The following DNAH14 variants were observed in gnomAD, a reference collection of about 807,000 sequenced individuals.
DNAH14 encodes axonemal beta dynein heavy chain 14.
In DNAH14, 478 loss-of-function variants were observed where a neutral mutation model predicts 520.9. The observed-to-expected ratio is 0.92, with a 90% CI of 0.85 to 0.99. The LOEUF (loss-of-function observed/expected upper bound fraction) is 0.99. DNAH14 is among the 50% of genes least tolerant of loss of function. The pLI is 0.00. For missense variants in DNAH14, 4,831 were observed against 5,234.5 expected (o/e 0.92, Z 2.38); for synonymous variants, 1,581 against 1,757.2 (o/e 0.90, Z 2.51).
chr1:225,242,204 A>G (rs1463472415), intron 43 of DNAH14, among the ~76,000 whole-genome samples: 1 of 152,172 alleles, frequency 6.6e-6, no homozygotes, highest in East Asian at 1.9e-4. Context: ...CCTGTACTCC[A>G]GCCTGGGAAA....
chr1:225,131,472 A>C (rs2148957522), intron 27 of DNAH14, among the ~76,000 whole-genome samples: 1 of 152,272 alleles, frequency 6.6e-6, no homozygotes, highest in East Asian at 1.9e-4. Context: ...ACTATTCTTC[A>C]GTAGTCCTAG....
chr1:225,265,699 C>G (rs533178366), intron 48 of DNAH14, among the ~76,000 whole-genome samples: 1 of 152,170 alleles, frequency 6.6e-6, no homozygotes, highest in Non-Finnish European at 1.5e-5. Context: ...GCTTGGGACT[C>G]TAAGAGTTTC....
At position 225,395,946 on chromosome 1, in the gene DNAH14, GGA is replaced by G. The variant is rs568862402; in HGVS notation, c.13492-2570_13492-2569del. 1.8e-3 allele frequency: 277 copies of G among 152,318 alleles called. 2 individuals carry two copies. Among genetic ancestry groups the G allele is most frequent in the Non-Finnish European group, 2.9e-3 (196 of 68,072 alleles). The allele number at this position is 152,318 out of a possible 1,614,324, so 9.4% of individuals were successfully genotyped here. A position where few individuals can be genotyped will look rare whatever the true frequency, so the allele number is the denominator to read the frequency against. On this transcript the variant is annotated intron_variant, in intron 84 of 85. Coordinates refer to ENST00000682510, the MANE Select transcript of DNAH14 (RefSeq NM_001367479.1). ...ACATGTCAGAAGAAGGATGGAACTG[GGA>G]GAGTTTGTCCTACAAGGCAAAAGAC... is the stretch of plus-strand genomic sequence containing the variant.
intron 25 of DNAH14, 152 bp downstream of exon 25, chr1:225,118,151 A>G (rs1427246684): frequency 4.2e-6 from 3 of 710,068 alleles, no homozygotes; most frequent in Non-Finnish European, 7.7e-6. Flanking sequence ...GCCTTTCCAT[A>G]TTCCCTACAA....
intron 17 of DNAH14, 84 bp from the exon 18 acceptor site, chr1:225,079,122 TA>T: frequency 8.2e-7 from 1 of 1,220,716 alleles, no homozygotes; most frequent in African/African-American, 1.5e-5. Context: ...TAGACTTATA[TA>T]AGTCAGAGAA....
chr1:225,153,137 C>T (rs945048392), intron 33 of DNAH14, among the ~76,000 whole-genome samples: 3 of 152,170 alleles, frequency 2.0e-5, no homozygotes, highest in African/African-American at 4.8e-5. Flanking sequence ...ATTGAGCATT[C>T]GTTATTTTAA....
intron 83 of DNAH14, 41 bp downstream of exon 83, chr1:225,389,914 G>C: frequency 6.5e-7 from 1 of 1,540,402 alleles, no homozygotes; most frequent in Non-Finnish European, 8.8e-7. Context: ...CCTGGCCCAG[G>C]CAAGTTTGCA....
At chr1:225,233,242 A>G (rs1055913591) in intron 42 of DNAH14, among the ~76,000 whole-genome samples, 2 of 152,100 alleles carry the variant, frequency 1.3e-5, no homozygotes, top group African/African-American at 4.8e-5. Context: ...TATCTTTGCT[A>G]TTGTGAATTG....
At chr1:225,043,616 T>C in intron 13 of DNAH14, 128 bp from the exon 14 acceptor site, 1 of 704,488 alleles carries the variant, frequency 1.4e-6, no homozygotes, top group Non-Finnish European at 2.4e-6. Context: ...CAGTATTGTG[T>C]TTCAAGTGAC....
chr1:225,332,406 G>A (rs2150289807), intron 65 of DNAH14, among the ~76,000 whole-genome samples: 1 of 152,050 alleles, frequency 6.6e-6, no homozygotes, highest in Middle Eastern at 3.4e-3. Flanking sequence ...CAAAACAGAG[G>A]GCTCTTGCTT....
chr1:225,277,473 C>T lies in DNAH14; in HGVS notation c.8242C>T (p.Leu2748Phe). The T allele has an allele frequency of 4.2e-6, 2 of 470,868 alleles. No homozygotes were observed. The highest frequency in any genetic ancestry group is 1.6e-5 in the South Asian group (1 of 64,498). 29.2% of individuals were successfully genotyped at this position (470,868 alleles called of 1,614,324 possible). ...ACACATCATAAGAGCAACAAGGGTT[C>T]TTCGACAACCAGGGAGTCACATGTT... ...IEHIIRATRVLRQPGSHMLLI... is the reference protein window; with the variant it reads ...IEHIIRATRVFRQPGSHMLLI... Residue 2748 changes from leucine (L) to phenylalanine (F), a missense_variant, in exon 54 of 86, where the codon CTT (leucine) becomes TTT (phenylalanine). Coordinates refer to ENST00000682510, the MANE Select transcript of DNAH14 (RefSeq NM_001367479.1).
chr1:225,082,171 G>GGTGTGTGTGTGTGTCT, intron 19 of DNAH14, among the ~76,000 whole-genome samples: 1 of 145,322 alleles, frequency 6.9e-6, no homozygotes, highest in East Asian at 2.0e-4. Flanking sequence ...GAATGTTTGT[G>GGTGTGTGTGTGTGTCT]GTGTGTGTGT....
chr1:225,336,783 G>T (rs745975616), intron 66 of DNAH14, among the ~76,000 whole-genome samples: 1 of 152,126 alleles, frequency 6.6e-6, no homozygotes, highest in African/African-American at 2.4e-5. Flanking sequence ...AGTATCTAAC[G>T]TCTTTTAGCC....
intron 4 of DNAH14, chr1:224,961,400 A>G (rs2060836664): frequency 6.6e-6 from 1 of 152,212 alleles, no homozygotes; most frequent in Admixed American, 6.6e-5. Flanking sequence ...TCACACTGCT[A>G]TGAAGAAATA....
At position 225,335,368 on chromosome 1, in the gene DNAH14, C is replaced by T. The variant is rs1204240773; in HGVS notation, c.10080+1862C>T. On this transcript the variant is annotated intron_variant, in intron 66 of 85. Coordinates refer to ENST00000682510, the MANE Select transcript of DNAH14 (RefSeq NM_001367479.1). ...GTGTGTATATGCATATACACGTGTACATGTGTGTGTATATGCACATATACA... is the reference window on the plus strand; with the variant it reads ...GTGTGTATATGCATATACACGTGTATATGTGTGTGTATATGCACATATACA... Among the ~76,000 whole-genome samples, 5 of 51,704 alleles carry T rather than the reference C, an allele frequency of 9.7e-5. 2 individuals are homozygous for T. Among genetic ancestry groups the T allele is most frequent in the Admixed American group, 4.0e-4 (2 of 4,946 alleles). The allele number at this position is 51,704 out of a possible 152,430, so 33.9% of individuals were successfully genotyped here.
At chr1:225,088,676 T>C (rs1425635998) in intron 21 of DNAH14, among the ~76,000 whole-genome samples, 1 of 152,120 alleles carries the variant, frequency 6.6e-6, no homozygotes, top group Non-Finnish European at 1.5e-5. Context: ...TTACACTCAA[T>C]ACATTCTAAG....
chr1:225,132,509 G>A (rs10915786), intron 27 of DNAH14, among the ~76,000 whole-genome samples: 6,568 of 152,048 alleles, frequency 0.043, 416 homozygotes, highest in African/African-American at 0.14. Flanking sequence ...TGAGGATAAC[G>A]ACTCCCAGAT....
Position 225,346,049 on chromosome 1 carries a change from C to T in DNAH14, c.10766C>T (p.Thr3589Ile), listed in dbSNP as rs1242004768. 17 of 1,551,356 alleles carry T rather than the reference C, an allele frequency of 1.1e-5. No homozygotes were observed. The highest frequency in any genetic ancestry group is 1.4e-5 in the Non-Finnish European group (16 of 1,146,948). The change falls in exon 70 of 86, where the codon ACA becomes ATA. Residue 3589 changes from threonine (T) to isoleucine (I), a missense_variant. Physicochemically the swap from Thr to Ile is moderately conservative, Grantham distance 89. Coordinates refer to ENST00000682510, the MANE Select transcript of DNAH14 (RefSeq NM_001367479.1). ...GAAATTTCAAAGCGCATCGAAGCAA[C>T]AAAAAAAGCTGAAAGTGAAATCCAA... ...SNEISKRIEA[T>I]KKAESEIQAI...
intron 73 of DNAH14, among the ~76,000 whole-genome samples, chr1:225,355,934 A>G (rs1182658184): frequency 6.6e-6 from 1 of 152,156 alleles, no homozygotes; most frequent in Non-Finnish European, 1.5e-5. Context: ...GGCAACCACA[A>G]TTCTACCTTC....
Sources: allele counts gnomAD v4.1 joint callset (sites outside exome capture counted in the v4.1 genomes callset), GRCh38; gene constraint gnomAD v4.1.1; transcripts MANE v1.5; gene names NCBI Gene and HGNC (gene_info 2026-07-23, HGNC 2026-07-21).